The following LRRIQ4 variants were observed in gnomAD, a reference collection of about 807,000 sequenced individuals.
The protein encoded by LRRIQ4 is leucine rich repeats and IQ motif containing 4.
LRRIQ4 carries 21 observed loss-of-function variants against 40.1 expected under a neutral mutation model. The observed-to-expected ratio is 0.52, with a 90% CI of 0.37 to 0.75. The LOEUF (loss-of-function observed/expected upper bound fraction) is 0.75, where lower values mean the gene tolerates loss of function less well. Ranked by LOEUF, LRRIQ4 falls within the 30% of genes least tolerant of loss-of-function variation. The probability of loss-of-function intolerance (pLI) is 0.00; values close to 1 mark genes in which losing one functional copy is unlikely to be tolerated. For synonymous variants in LRRIQ4, 277 were observed against 277.1 expected (o/e 1.00, Z 0.00); for missense variants, 655 against 660.0 (o/e 0.99, Z 0.08).
chr3:169,813,941 A>G (rs2108260102), intron 1 of LRRIQ4, among the ~76,000 whole-genome samples: 1 of 152,230 alleles, frequency 6.6e-6, no homozygotes, highest in East Asian at 1.9e-4. Flanking sequence ...CTCCGAACTC[A>G]CCGCAGCGTC....
At chr3:169,827,463 C>T (rs1780064985) in intron 2 of LRRIQ4, among the ~76,000 whole-genome samples, 2 of 151,826 alleles carry the variant, frequency 1.3e-5, no homozygotes, top group South Asian at 4.2e-4. Context: ...AAAAATTAGC[C>T]GGGCGTGGTG....
Position 169,837,733 on chromosome 3 carries a change from C to G in LRRIQ4, c.*102C>G. On this transcript the variant is annotated 3_prime_UTR_variant, in exon 6 of 6. Coordinates refer to ENST00000340806, the MANE Select transcript of LRRIQ4 (RefSeq NM_001080460.3). Reference sequence around the variant, plus strand: ...TACATTAAAATTATTCATAAAATTACACTTATGTGTAAAAATAAATGATTC... The same window carrying G: ...TACATTAAAATTATTCATAAAATTAGACTTATGTGTAAAAATAAATGATTC... 2 of 886,592 alleles carry G rather than the reference C, an allele frequency of 2.3e-6. No homozygotes were observed. Among genetic ancestry groups the G allele is most frequent in the African/African-American group, 3.5e-5 (2 of 57,390 alleles). The allele number at this position is 886,592 out of a possible 1,614,324, so 54.9% of individuals were successfully genotyped here.
At chr3:169,831,984 T>TA (rs71634445) in intron 4 of LRRIQ4, among the ~76,000 whole-genome samples, 2,623 of 142,250 alleles carry the variant, frequency 0.018, 60 homozygotes, top group South Asian at 0.12. Flanking sequence ...TTAAAAAATT[T>TA]AAAAAAAAAA....
chr3:169,830,984 G>C (rs923051900), intron 4 of LRRIQ4, among the ~76,000 whole-genome samples: 5 of 152,142 alleles, frequency 3.3e-5, no homozygotes, highest in African/African-American at 1.2e-4. Context: ...TTTCATCTAG[G>C]TCACGGAGTC....
chr3:169,833,727 C>A (rs1051343068), intron 5 of LRRIQ4, among the ~76,000 whole-genome samples: 10 of 152,120 alleles, frequency 6.6e-5, no homozygotes, highest in African/African-American at 2.4e-4. Context: ...ATCTCACAGC[C>A]GGATAACTAC....
intron 5 of LRRIQ4, among the ~76,000 whole-genome samples, chr3:169,835,956 C>T (rs1377832447): frequency 6.6e-6 from 1 of 152,176 alleles, no homozygotes; most frequent in Non-Finnish European, 1.5e-5. Flanking sequence ...CCTTGATCCA[C>T]CTTATATAAA....
At chr3:169,832,933 A>G in intron 4 of LRRIQ4, 54 bp from the exon 5 acceptor site, 1 of 1,488,956 alleles carries the variant, frequency 6.7e-7, no homozygotes, top group Non-Finnish European at 9.2e-7. Context: ...TTAGGTGACA[A>G]GTTAATATTG....
intron 4 of LRRIQ4, among the ~76,000 whole-genome samples, 173 bp downstream of exon 4, chr3:169,830,803 T>C (rs1028250862): frequency 6.6e-6 from 1 of 152,232 alleles, no homozygotes; most frequent in Non-Finnish European, 1.5e-5. Flanking sequence ...GGTGTCCTGA[T>C]TAGTATAGCT....
chr3:169,832,970 C>T lies in LRRIQ4; in HGVS notation c.1334-17C>T, dbSNP rs1560615734. 5 of 1,604,846 alleles carry T rather than the reference C, an allele frequency of 3.1e-6. No homozygotes were observed. Among genetic ancestry groups the T allele is most frequent in the Admixed American group, 1.7e-5 (1 of 58,618 alleles). ...TTCTTCTAAGATTGAACCACCATTA[C>T]GAAAAAATCTTTTCAGCTTTGAAAG... On this transcript the variant is annotated splice_polypyrimidine_tract_variant and intron_variant, in intron 4 of 5. Transcript: ENST00000340806.
chr3:169,817,262 G>A (rs751464595), intron 1 of LRRIQ4, among the ~76,000 whole-genome samples: 5 of 151,958 alleles, frequency 3.3e-5, no homozygotes, highest in Non-Finnish European at 7.4e-5. Context: ...TCTTGTTATT[G>A]CTTTCTAGTT....
intron 5 of LRRIQ4, among the ~76,000 whole-genome samples, chr3:169,833,645 A>T (rs756359658): frequency 2.6e-5 from 4 of 152,146 alleles, no homozygotes; most frequent in Non-Finnish European, 4.4e-5. Context: ...GCCCATGGAG[A>T]TGTAGGACAG....
intron 5 of LRRIQ4, among the ~76,000 whole-genome samples, chr3:169,836,742 A>C (rs1164143063): frequency 6.6e-6 from 1 of 152,208 alleles, no homozygotes; most frequent in Non-Finnish European, 1.5e-5. Context: ...GAGCCATCTG[A>C]ATACTGAGAA....
At position 169,833,171 on chromosome 3, in the gene LRRIQ4, A is replaced by C. The variant is rs530804076; in HGVS notation, c.1518A>C (p.Ile506=). Residue 506 remains isoleucine, a synonymous_variant, in exon 5 of 6, where the codon ATA becomes ATC. Coordinates refer to ENST00000340806, the MANE Select transcript of LRRIQ4 (RefSeq NM_001080460.3). ...KYLKENRNRN[I]MATKIQAWWR... ...TCAAGGAAAACAGAAACAGGAATAT[A>C]ATGGCAACAAAGGTAAAATCAGCCC... The C allele has an allele frequency of 3.7e-6, 6 of 1,612,498 alleles. No homozygotes were observed. The highest frequency in any genetic ancestry group is 4.2e-6 in the Non-Finnish European group (5 of 1,179,294).
intron 2 of LRRIQ4, among the ~76,000 whole-genome samples, chr3:169,824,038 T>C (rs1027637786): frequency 2.0e-4 from 31 of 152,194 alleles, no homozygotes; most frequent in Admixed American, 1.6e-3. Context: ...TATGATACCA[T>C]TTATAAATTT....
chr3:169,828,910 C>T lies in LRRIQ4; in HGVS notation c.1172C>T (p.Pro391Leu), dbSNP rs1195274495. ...QDQGFKLTYVPEHIRKLQSLK... is the reference protein window; with the variant it reads ...QDQGFKLTYVLEHIRKLQSLK... The stretch of plus-strand genomic sequence containing the variant: ...CAGGGATTCAAACTTACCTATGTGC[C>T]AGAACACATTAGGAAACTGCAGGTA... Residue 391 changes from proline to leucine, a missense_variant, in exon 3 of 6, where the codon CCA (proline) becomes CTA (leucine). By Grantham distance (98) the Pro-to-Leu change is moderately conservative. Coordinates refer to ENST00000340806, the MANE Select transcript of LRRIQ4 (RefSeq NM_001080460.3). 1.2e-6 allele frequency: 2 copies of T among 1,611,632 alleles called. No homozygotes were observed. Among genetic ancestry groups the T allele is most frequent in the Non-Finnish European group, 8.5e-7 (1 of 1,179,372 alleles).
rs1256141003 is a variant in LRRIQ4, at chr3:169,828,237, A to G, written c.1021-522A>G. ...AGAACATAGGTTAAAAATTGCTCCA[A>G]TTTTTTTTTTTTTGAGACAGATTCT... is the stretch of plus-strand genomic sequence containing the variant. On this transcript the variant is annotated intron_variant, in intron 2 of 5. Transcript: ENST00000340806. Among the ~76,000 whole-genome samples, 3 of 146,670 alleles carry G rather than the reference A, an allele frequency of 2.0e-5. No homozygotes were observed. In the South Asian group the frequency reaches 6.5e-4, roughly 32 times the overall value.
At chr3:169,813,560 AAT>A (rs1262236668) in intron 1 of LRRIQ4, among the ~76,000 whole-genome samples, 6 of 152,258 alleles carry the variant, frequency 3.9e-5, no homozygotes, top group Admixed American at 3.9e-4. Flanking sequence ...TATAACAGGA[AAT>A]ATCCTCTCCA....
Position 169,828,922 on chromosome 3 carries a change from G to A in LRRIQ4, c.1184G>A (p.Arg395Lys), listed in dbSNP as rs1780102709. The A allele has an allele frequency of 6.2e-7, 1 of 1,606,518 alleles. No individual in the cohort carries two copies. The highest frequency in any genetic ancestry group is 1.7e-5 in the Admixed American group (1 of 57,986). The change falls in exon 3 of 6, where the codon AGG (arginine) becomes AAG (lysine). Residue 395 changes from arginine (R) to lysine (K), a missense_variant. Arg to Lys is a conservative substitution (Grantham distance 26). Coordinates refer to ENST00000340806, the MANE Select transcript of LRRIQ4 (RefSeq NM_001080460.3). ...CTTACCTATGTGCCAGAACACATTA[G>A]GAAACTGCAGGTAAGCCTCCCCAAA... ...FKLTYVPEHI[R>K]KLQSLKELYI... is the part of the protein sequence containing the mutation.
intron 2 of LRRIQ4, among the ~76,000 whole-genome samples, chr3:169,828,144 A>G (rs956556572): frequency 1.3e-5 from 2 of 152,238 alleles, no homozygotes; most frequent in Non-Finnish European, 2.9e-5. Context: ...TTGCAATATT[A>G]CACATAACTT....
Sources: allele counts gnomAD v4.1 joint callset (sites outside exome capture counted in the v4.1 genomes callset), GRCh38; gene constraint gnomAD v4.1.1; transcripts MANE v1.5; gene names NCBI Gene and HGNC (gene_info 2026-07-23, HGNC 2026-07-21).